GLCCI1: variants seen among roughly 807,000 people sequenced by gnomAD.
GLCCI1 encodes glucocorticoid-induced transcript 1 protein.
GLCCI1 carries 24 observed loss-of-function variants against 52.2 expected under a neutral mutation model. That is an observed-to-expected ratio of 0.46 (90% CI 0.33 to 0.65). The LOEUF (loss-of-function observed/expected upper bound fraction) is 0.65, where lower values mean the gene tolerates loss of function less well. Among genes scored for constraint, GLCCI1 ranks in the 30% least tolerant of loss-of-function variants. The pLI is 0.02. For missense variants in GLCCI1, 704 were observed against 701.5 expected (o/e 1.00, Z -0.04); for synonymous variants, 310 against 276.5 (o/e 1.12, Z -1.20).
intron 2 of GLCCI1, among the ~76,000 whole-genome samples, chr7:8,008,151 A>G (rs1781194373): frequency 6.6e-6 from 1 of 152,148 alleles, no homozygotes; most frequent in South Asian, 2.1e-4. Flanking sequence ...TGTAGTCATT[A>G]TGATGTATAG....
chr7:8,026,071 AT>A (rs1781612875), intron 3 of GLCCI1, among the ~76,000 whole-genome samples: 1 of 152,222 alleles, frequency 6.6e-6, no homozygotes, highest in Non-Finnish European at 1.5e-5. Context: ...AGTTTTCAAC[AT>A]TGTTTGGTTG....
chr7:8,068,845 G>T (rs1292854709), intron 5 of GLCCI1, among the ~76,000 whole-genome samples: 2 of 152,194 alleles, frequency 1.3e-5, no homozygotes, highest in African/African-American at 4.8e-5. Flanking sequence ...ATTGTACAAG[G>T]TTTTTATTTG....
intron 2 of GLCCI1, among the ~76,000 whole-genome samples, chr7:8,014,164 AT>A (rs1232379048): frequency 2.0e-5 from 3 of 151,798 alleles, no homozygotes; most frequent in African/African-American, 7.2e-5. Flanking sequence ...TAATTTTTTA[AT>A]TTTTTAGTAG....
intron 1 of GLCCI1, among the ~76,000 whole-genome samples, chr7:8,002,468 A>C (rs569144134): frequency 4.6e-5 from 7 of 152,322 alleles, no homozygotes; most frequent in African/African-American, 1.7e-4. Flanking sequence ...AGCTAAAGTA[A>C]TACAGATAAA....
chr7:8,022,645 A>G, intron 3 of GLCCI1, 76 bp downstream of exon 3: 1 of 810,422 alleles, frequency 1.2e-6, no homozygotes, highest in Non-Finnish European at 1.8e-6. Context: ...GAATGTAATG[A>G]CACTTTTAAA....
At chr7:7,983,584 T>C (rs1036687368) in intron 1 of GLCCI1, among the ~76,000 whole-genome samples, 2 of 152,222 alleles carry the variant, frequency 1.3e-5, no homozygotes, top group African/African-American at 2.4e-5. Context: ...TTCTGGTGTT[T>C]AGAAAGCCAG....
intron 3 of GLCCI1, among the ~76,000 whole-genome samples, chr7:8,025,021 T>G (rs1287643778): frequency 6.6e-6 from 1 of 152,208 alleles, no homozygotes; most frequent in Admixed American, 6.5e-5. Context: ...TTTATTAGTC[T>G]AAGACTGTAG....
At chr7:8,045,971 A>G (rs1265602864) in intron 3 of GLCCI1, among the ~76,000 whole-genome samples, 1 of 152,072 alleles carries the variant, frequency 6.6e-6, no homozygotes, top group Non-Finnish European at 1.5e-5. Context: ...TCCAAAAAAA[A>G]AAAACCTTAT....
At chr7:8,022,784 G>A (rs1292202395) in intron 3 of GLCCI1, 1 of 249,502 alleles carries the variant, frequency 4.0e-6, no homozygotes, top group Non-Finnish European at 7.5e-6. Context: ...CTACATTTTG[G>A]TGAACAAGTC....
chr7:7,979,680 T>G (rs1039710162), intron 1 of GLCCI1, among the ~76,000 whole-genome samples: 1 of 152,210 alleles, frequency 6.6e-6, no homozygotes, highest in Admixed American at 6.5e-5. Context: ...AAGTCTGAAC[T>G]GTATTGTTGA....
In GLCCI1 at chr7:8,087,597, G is replaced by A. The variant is rs193202816; in HGVS notation, c.*1059G>A. The A allele has an allele frequency of 1.3e-5, 2 of 152,534 alleles. No homozygotes were observed. Among genetic ancestry groups the A allele is most frequent in the African/African-American group, 4.8e-5 (2 of 41,528 alleles). 9.4% of individuals were successfully genotyped at this position (152,534 alleles called of 1,614,324 possible). ...TTATCTAAAGACATATTTATATTTA[G>A]TTTCTCCCTTGGAAATTCTTTATTT... is the stretch of plus-strand genomic sequence containing the variant. On this transcript the variant is annotated 3_prime_UTR_variant, in exon 8 of 8. Coordinates refer to ENST00000223145, the MANE Select transcript of GLCCI1 (RefSeq NM_138426.4).
intron 3 of GLCCI1, among the ~76,000 whole-genome samples, chr7:8,028,714 C>G (rs1781681360): frequency 6.7e-6 from 1 of 148,944 alleles, no homozygotes. Context: ...AACCTGTAGC[C>G]AAGGTAACCA....
chr7:8,045,677 A>G (rs62433444), intron 3 of GLCCI1, among the ~76,000 whole-genome samples: 8,080 of 152,180 alleles, frequency 0.053, 345 homozygotes, highest in East Asian at 0.19. Flanking sequence ...AAAAATAGGA[A>G]TGTAACCCTA....
At chr7:7,975,636 C>G (rs1290892842) in intron 1 of GLCCI1, among the ~76,000 whole-genome samples, 4 of 152,146 alleles carry the variant, frequency 2.6e-5, no homozygotes, top group East Asian at 1.9e-4. Flanking sequence ...TTACGCTGTG[C>G]TGGGGTATGG....
chr7:8,027,214 G>A (rs1469740043), intron 3 of GLCCI1, among the ~76,000 whole-genome samples: 1 of 152,208 alleles, frequency 6.6e-6, no homozygotes, highest in Non-Finnish European at 1.5e-5. Context: ...TAGCTATGTT[G>A]AGGAAACTCA....
chr7:8,082,588 A>G (rs1361506438), intron 6 of GLCCI1, among the ~76,000 whole-genome samples: 1 of 152,164 alleles, frequency 6.6e-6, no homozygotes, highest in Non-Finnish European at 1.5e-5. Flanking sequence ...CTAACATTAA[A>G]TACATATTCA....
chr7:8,034,232 A>C (rs1781817375), intron 3 of GLCCI1, among the ~76,000 whole-genome samples: 1 of 152,176 alleles, frequency 6.6e-6, no homozygotes, highest in South Asian at 2.1e-4. Flanking sequence ...CCTAGCTCTC[A>C]CCATAGAGAA....
intron 1 of GLCCI1, chr7:7,980,953 A>G: frequency 1.7e-6 from 1 of 588,108 alleles, no homozygotes. Context: ...GGAACAATTA[A>G]AGAGTGGTAG....
intron 1 of GLCCI1, among the ~76,000 whole-genome samples, chr7:7,999,481 A>C (rs1251086055): frequency 6.6e-6 from 1 of 152,004 alleles, no homozygotes; most frequent in African/African-American, 2.4e-5. Flanking sequence ...GGTGGTGCAC[A>C]CCTATAGTCC....
Sources: allele counts gnomAD v4.1 joint callset (sites outside exome capture counted in the v4.1 genomes callset), GRCh38; gene constraint gnomAD v4.1.1; transcripts MANE v1.5; gene names NCBI Gene and HGNC (gene_info 2026-07-23, HGNC 2026-07-21).